SLC25A16: variants seen among roughly 807,000 people sequenced by gnomAD.
SLC25A16 encodes mitochondrial coenzyme A transporter SLC25A16.
SLC25A16 carries 39 observed loss-of-function variants against 41.5 expected under a neutral mutation model. The observed-to-expected ratio is 0.94, with a 90% CI of 0.73 to 1.23. SLC25A16 has a LOEUF of 1.23. Among genes scored for constraint, SLC25A16 ranks in the 50% most tolerant of loss-of-function variants. SLC25A16 has a pLI of 0.00. For synonymous variants in SLC25A16, 146 were observed against 147.8 expected, an observed-to-expected ratio of 0.99 and a Z score of 0.09; for missense variants, 421 against 426.9, an observed-to-expected ratio of 0.99 and a Z score of 0.12.
intron 1 of SLC25A16, among the ~76,000 whole-genome samples, chr10:68,522,364 AGAG>A (rs1266181600): frequency 2.0e-5 from 3 of 152,066 alleles, no homozygotes; most frequent in Non-Finnish European, 4.4e-5. Flanking sequence ...GTTGCAGATG[AGAG>A]GAGAGGATTG....
intron 6 of SLC25A16, among the ~76,000 whole-genome samples, chr10:68,489,464 A>G (rs2052620750): frequency 6.6e-6 from 1 of 152,216 alleles, no homozygotes; most frequent in Non-Finnish European, 1.5e-5. Flanking sequence ...GTATGCAGGT[A>G]GTGCTTGTTA....
At chr10:68,525,962 CG>C (rs936849755) in intron 1 of SLC25A16, among the ~76,000 whole-genome samples, 5 of 151,756 alleles carry the variant, frequency 3.3e-5, no homozygotes, top group African/African-American at 1.2e-4. Context: ...ACAAAAACTG[CG>C]GAAGGCCGCA....
chr10:68,489,899 CA>C (rs71019017), intron 6 of SLC25A16, among the ~76,000 whole-genome samples: 417 of 84,038 alleles, frequency 5.0e-3, no homozygotes, highest in Middle Eastern at 7.6e-3. Flanking sequence ...GACTCTGTCT[CA>C]AAAAAAAAAA....
intron 8 of SLC25A16, among the ~76,000 whole-genome samples, chr10:68,485,112 T>A (rs2052536759): frequency 6.6e-6 from 1 of 152,232 alleles, no homozygotes; most frequent in Admixed American, 6.5e-5. Flanking sequence ...TTCTTTTTTA[T>A]TGACACGCAG....
At position 68,488,608 on chromosome 10, in the gene SLC25A16, C is replaced by G. The variant is rs1225407994; in HGVS notation, c.632G>C (p.Gly211Ala). 17 of 1,612,708 alleles carry G rather than the reference C, an allele frequency of 1.1e-5. No homozygotes were observed. The highest frequency in any genetic ancestry group is 1.4e-5 in the Non-Finnish European group (17 of 1,179,656). The part of the protein sequence containing the change: ...PYAGVSFFTF[G>A]TLKSVGLSHA... ...GGAAAGCCCAACACTCTTCAAGGTA[C>G]CAAAAGTAAAAAATGAAACACCTGA... The change falls in exon 7 of 9, where the codon GGT becomes GCT. Residue 211 changes from glycine to alanine, a missense_variant. Gly to Ala is a moderately conservative substitution (Grantham distance 60). Coordinates refer to ENST00000609923, the MANE Select transcript of SLC25A16 (RefSeq NM_152707.4).
chr10:68,499,557 C>A, intron 4 of SLC25A16: 1 of 237,540 alleles, frequency 4.2e-6, no homozygotes, highest in Non-Finnish European at 8.8e-6. Context: ...TTTGTGACTT[C>A]CAACCGAGGC....
At chr10:68,485,321 A>T (rs1419745835) in intron 8 of SLC25A16, among the ~76,000 whole-genome samples, 1 of 152,036 alleles carries the variant, frequency 6.6e-6, no homozygotes, top group Non-Finnish European at 1.5e-5. Flanking sequence ...TGATCTCCTG[A>T]CCTTGTGATC....
chr10:68,498,695 T>C (rs2133531915), intron 4 of SLC25A16, among the ~76,000 whole-genome samples: 2 of 152,128 alleles, frequency 1.3e-5, no homozygotes, highest in South Asian at 4.1e-4. Flanking sequence ...ACCCTGTCTC[T>C]GAAAAAAAGA....
chr10:68,527,167 A>AT, intron 1 of SLC25A16, 79 bp downstream of exon 1: 1 of 1,452,300 alleles, frequency 6.9e-7, no homozygotes, highest in Non-Finnish European at 9.2e-7. Flanking sequence ...AATGTCATAG[A>AT]GGCCGCTTGC....
chr10:68,487,265 C>A lies in SLC25A16; in HGVS notation c.774-53G>T, dbSNP rs889683185. ...TAAAAATTTTTGGTTTTCTACTCAA[C>A]AACTATTGAATACAAAGCCCTATAA... On this transcript the variant is annotated intron_variant, in intron 7 of 8. Coordinates refer to ENST00000609923, the MANE Select transcript of SLC25A16 (RefSeq NM_152707.4). 20 of 1,271,294 alleles carry A rather than the reference C, an allele frequency of 1.6e-5. No individual in the cohort carries two copies. In the African/African-American group the frequency reaches 2.6e-4, roughly 17 times the overall value. 78.8% of individuals were successfully genotyped at this position (1,271,294 alleles called of 1,614,324 possible). A position where few individuals can be genotyped will look rare whatever the true frequency, so the allele number is the denominator to read the frequency against.
chr10:68,487,892 C>T (rs566976261), intron 7 of SLC25A16, among the ~76,000 whole-genome samples: 6 of 151,858 alleles, frequency 4.0e-5, no homozygotes, highest in South Asian at 2.1e-4. Flanking sequence ...CTCACTCTGT[C>T]GCCCAGGCTG....
intron 1 of SLC25A16, among the ~76,000 whole-genome samples, chr10:68,525,447 T>A (rs1174378539): frequency 6.6e-6 from 1 of 152,088 alleles, no homozygotes; most frequent in Non-Finnish European, 1.5e-5. Flanking sequence ...ATTTTTATTG[T>A]TTGTTTTTGT....
intron 8 of SLC25A16, among the ~76,000 whole-genome samples, chr10:68,485,837 G>A (rs1276718669): frequency 2.2e-5 from 3 of 136,640 alleles, no homozygotes; most frequent in South Asian, 2.3e-4. Flanking sequence ...TCACTCTATC[G>A]CCCAGGCTGG....
At chr10:68,523,153 G>A (rs1010168047) in intron 1 of SLC25A16, among the ~76,000 whole-genome samples, 12 of 151,990 alleles carry the variant, frequency 7.9e-5, no homozygotes, top group Non-Finnish European at 1.6e-4. Flanking sequence ...GCAGTGCTGC[G>A]ATCTGGGCTT....
At chr10:68,504,899 C>T (rs910817906) in intron 3 of SLC25A16, among the ~76,000 whole-genome samples, 3 of 152,108 alleles carry the variant, frequency 2.0e-5, no homozygotes, top group African/African-American at 7.2e-5. Context: ...AGGCTGGTCT[C>T]AAACTTCCGA....
At chr10:68,493,295 G>C in intron 5 of SLC25A16, 97 bp from the exon 6 acceptor site, 1 of 1,128,034 alleles carries the variant, frequency 8.9e-7, no homozygotes, top group African/African-American at 1.6e-5. Flanking sequence ...AAATTATTCA[G>C]GGATCCACCC....
At chr10:68,502,976 A>G (rs1235208735) in intron 4 of SLC25A16, among the ~76,000 whole-genome samples, 1 of 140,696 alleles carries the variant, frequency 7.1e-6, no homozygotes, top group African/African-American at 2.7e-5. Context: ...AGGAGAGTGG[A>G]GAGGAGAGGG....
intron 1 of SLC25A16, among the ~76,000 whole-genome samples, chr10:68,520,844 C>A (rs1451107049): frequency 6.7e-6 from 1 of 150,184 alleles, no homozygotes; most frequent in Non-Finnish European, 1.5e-5. Flanking sequence ...CAAAAATTAG[C>A]CAGGCGAAGG....
intron 6 of SLC25A16, among the ~76,000 whole-genome samples, chr10:68,490,943 A>T (rs979272489): frequency 6.6e-6 from 1 of 151,962 alleles, no homozygotes; most frequent in African/African-American, 2.4e-5. Context: ...AGGCTGGAGT[A>T]GAGTGGCATG....
Sources: gnomAD v4.1 joint callset for allele counts (sites outside exome capture counted in the v4.1 genomes callset) on GRCh38, gnomAD v4.1.1 for gene constraint, MANE v1.5 for transcripts, NCBI Gene and HGNC (gene_info 2026-07-23, HGNC 2026-07-21) for gene names.